PTPN4: variants seen among roughly 807,000 people sequenced by gnomAD.
The protein encoded by PTPN4 is tyrosine-protein phosphatase non-receptor type 4.
PTPN4 carries 49 observed loss-of-function variants against 135.5 expected under a neutral mutation model. The observed-to-expected ratio is 0.36, with a 90% CI of 0.29 to 0.46. The LOEUF (loss-of-function observed/expected upper bound fraction) is 0.46. Ranked by LOEUF, PTPN4 falls within the 20% of genes least tolerant of loss-of-function variation. PTPN4 has a pLI of 1.00. For missense variants in PTPN4, 860 were observed against 1,101.0 expected (o/e 0.78, Z 3.10); for synonymous variants, 333 against 369.9 (o/e 0.90, Z 1.14).
chr2:119,806,062 A>G (rs1368093684), intron 1 of PTPN4, among the ~76,000 whole-genome samples: 1 of 152,180 alleles, frequency 6.6e-6, no homozygotes, highest in Non-Finnish European at 1.5e-5. Context: ...CTGGCTTACA[A>G]GAGCTCCCGA....
intron 1 of PTPN4, among the ~76,000 whole-genome samples, chr2:119,765,320 C>T (rs1355104514): frequency 1.3e-5 from 2 of 152,058 alleles, no homozygotes; most frequent in African/African-American, 4.8e-5. Context: ...AGGTGATATA[C>T]CATAACTGAT....
intron 19 of PTPN4, among the ~76,000 whole-genome samples, chr2:119,952,695 C>CT (rs1412226806): frequency 1.3e-5 from 2 of 152,202 alleles, no homozygotes; most frequent in Non-Finnish European, 2.9e-5. Context: ...ATGATGTCTA[C>CT]TTGCCTAATC....
At chr2:119,826,541 G>T (rs1020989550) in intron 2 of PTPN4, among the ~76,000 whole-genome samples, 1 of 152,180 alleles carries the variant, frequency 6.6e-6, no homozygotes, top group Non-Finnish European at 1.5e-5. Context: ...ACAGTTGGAT[G>T]GTGGGTGCTA....
At chr2:119,866,494 T>A (rs914810336) in intron 3 of PTPN4, among the ~76,000 whole-genome samples, 2 of 152,074 alleles carry the variant, frequency 1.3e-5, no homozygotes, top group African/African-American at 4.8e-5. Flanking sequence ...GCCTAGAGAT[T>A]TCTGAATCAG....
At chr2:119,883,808 A>G (rs1250444337) in intron 8 of PTPN4, among the ~76,000 whole-genome samples, 1 of 152,232 alleles carries the variant, frequency 6.6e-6, no homozygotes, top group Non-Finnish European at 1.5e-5. Context: ...AACCATACAT[A>G]GCACATTGTA....
At chr2:119,859,722 G>C (rs1574374444) in intron 2 of PTPN4, among the ~76,000 whole-genome samples, 1 of 152,194 alleles carries the variant, frequency 6.6e-6, no homozygotes, top group African/African-American at 2.4e-5. Context: ...CACCACCCTA[G>C]AGGAGATATT....
chr2:119,873,403 T>C (rs138776838), intron 3 of PTPN4, among the ~76,000 whole-genome samples: 55 of 152,284 alleles, frequency 3.6e-4, no homozygotes, highest in Non-Finnish European at 6.2e-4. Flanking sequence ...GTAGAAACCA[T>C]GCAGATCTCA....
At chr2:119,811,578 T>C (rs1418551135) in intron 2 of PTPN4, among the ~76,000 whole-genome samples, 1 of 152,210 alleles carries the variant, frequency 6.6e-6, no homozygotes. Context: ...GAAACTCTCA[T>C]GTATTAGACA....
intron 3 of PTPN4, among the ~76,000 whole-genome samples, chr2:119,866,851 CAT>C (rs1176851388): frequency 1.3e-5 from 2 of 152,080 alleles, no homozygotes; most frequent in African/African-American, 4.8e-5. Flanking sequence ...CTTATCTATT[CAT>C]ATGTTTCCAC....
Position 119,760,329 on chromosome 2 carries a change from C to G in PTPN4, c.-73C>G. ...GAGGACGCGCTTCTCCTCTGCGCGC[C>G]GGGGCCTCGAGGCTTTTTTTCTCCA... On this transcript the variant is annotated 5_prime_UTR_variant, in exon 1 of 27. Transcript: ENST00000263708. The G allele has an allele frequency of 2.5e-6, 1 of 394,930 alleles. No homozygotes were observed. The highest frequency in any genetic ancestry group is 3.6e-5 in the East Asian group (1 of 27,902). The allele number at this position is 394,930 out of a possible 1,614,324, so 24.5% of individuals were successfully genotyped here.
intron 5 of PTPN4, among the ~76,000 whole-genome samples, chr2:119,879,183 A>G (rs758178520): frequency 1.3e-5 from 2 of 152,216 alleles, no homozygotes; most frequent in Non-Finnish European, 2.9e-5. Context: ...TTGTCAGTTA[A>G]AACTATGTTT....
chr2:119,779,902 T>G (rs1467443237), intron 1 of PTPN4, among the ~76,000 whole-genome samples: 2 of 151,962 alleles, frequency 1.3e-5, no homozygotes, highest in Non-Finnish European at 2.9e-5. Flanking sequence ...TCACCACCAC[T>G]CCTAGCTAAT....
chr2:119,847,761 C>T (rs1405350112), intron 2 of PTPN4, among the ~76,000 whole-genome samples: 1 of 152,140 alleles, frequency 6.6e-6, no homozygotes, highest in African/African-American at 2.4e-5. Flanking sequence ...TAAGGTGGAT[C>T]TGCTGGCAAC....
At chr2:119,837,009 G>A (rs972508497) in intron 2 of PTPN4, among the ~76,000 whole-genome samples, 4 of 152,228 alleles carry the variant, frequency 2.6e-5, no homozygotes, top group Non-Finnish European at 5.9e-5. Context: ...AGGCTTCTGG[G>A]CGTAAAGGGG....
intron 2 of PTPN4, among the ~76,000 whole-genome samples, chr2:119,810,833 T>C (rs1309051025): frequency 6.6e-6 from 1 of 152,038 alleles, no homozygotes; most frequent in African/African-American, 2.4e-5. Context: ...ACATGACTTT[T>C]TTTTCCTGAA....
At chr2:119,958,347 A>G (rs1344708801) in intron 22 of PTPN4, among the ~76,000 whole-genome samples, 1 of 151,236 alleles carries the variant, frequency 6.6e-6, no homozygotes, top group Non-Finnish European at 1.5e-5. Context: ...AAAAAAGAAC[A>G]ATGAAAATAA....
chr2:119,858,201 C>G (rs1056244407), intron 2 of PTPN4, among the ~76,000 whole-genome samples: 1 of 152,160 alleles, frequency 6.6e-6, no homozygotes, highest in Non-Finnish European at 1.5e-5. Flanking sequence ...TTATAAATTA[C>G]CCAGTCTCAG....
At chr2:119,884,468 A>T (rs544111720) in intron 8 of PTPN4, among the ~76,000 whole-genome samples, 6 of 152,224 alleles carry the variant, frequency 3.9e-5, no homozygotes, top group Non-Finnish European at 7.3e-5. Context: ...CCTTTGCAAT[A>T]AAAGGTTTGC....
chr2:119,823,723 TACTG>T (rs1298539193), intron 2 of PTPN4, among the ~76,000 whole-genome samples: 1 of 152,208 alleles, frequency 6.6e-6, no homozygotes, highest in East Asian at 1.9e-4. Context: ...AAATATTTCT[TACTG>T]AGAGAGAGAG....
Sources: gnomAD v4.1 joint callset for allele counts (sites outside exome capture counted in the v4.1 genomes callset) on GRCh38, gnomAD v4.1.1 for gene constraint, MANE v1.5 for transcripts, NCBI Gene and HGNC (gene_info 2026-07-23, HGNC 2026-07-21) for gene names.